MGAT5B: variants seen among roughly 807,000 people sequenced by gnomAD.
MGAT5B encodes the protein N-acetylglucosaminyl-transferase Vb.
A neutral mutation model predicts 95.1 loss-of-function variants in MGAT5B; 54 were observed. That is an observed-to-expected ratio of 0.57 (90% CI 0.46 to 0.71). MGAT5B has a LOEUF of 0.71. Ranked by LOEUF, MGAT5B falls within the 30% of genes least tolerant of loss-of-function variation. The probability of loss-of-function intolerance (pLI) is 0.00; values close to 1 mark genes in which losing one functional copy is unlikely to be tolerated. For synonymous variants in MGAT5B, 464 were observed against 451.0 expected, an observed-to-expected ratio of 1.03 and a Z score of -0.36; for missense variants, 935 against 1,088.6, an observed-to-expected ratio of 0.86 and a Z score of 1.99.
At chr17:76,927,473 C>T (rs1318000931) in intron 10 of MGAT5B, among the ~76,000 whole-genome samples, 1 of 152,192 alleles carries the variant, frequency 6.6e-6, no homozygotes, top group Non-Finnish European at 1.5e-5. Context: ...TTCCTGGGCT[C>T]AAGCGATCCA....
At chr17:76,907,374 G>GT (rs2145198211) in intron 8 of MGAT5B, among the ~76,000 whole-genome samples, 1 of 152,156 alleles carries the variant, frequency 6.6e-6, no homozygotes, top group South Asian at 2.1e-4. Flanking sequence ...AAAGTTTTTT[G>GT]TTTTTTCTTA....
chr17:76,926,748 C>A lies in MGAT5B; in HGVS notation c.1291+18C>A. On this transcript the variant is annotated intron_variant, in intron 10 of 17. Coordinates refer to ENST00000569840, the MANE Select transcript of MGAT5B (RefSeq NM_001199172.2). Reference sequence around the variant, plus strand: ...CATGTTTCGTGAGTGCCCCACAGGGCAGGGGTGGGGTCGGAGGTCCTCCTC... The same window carrying A: ...CATGTTTCGTGAGTGCCCCACAGGGAAGGGGTGGGGTCGGAGGTCCTCCTC... 6.2e-7 allele frequency: 1 copy of A among 1,611,506 alleles called. No homozygotes were observed. The highest frequency in any genetic ancestry group is 8.5e-7 in the Non-Finnish European group (1 of 1,179,192).
At chr17:76,925,777 C>T (rs1462187595) in intron 9 of MGAT5B, among the ~76,000 whole-genome samples, 3 of 152,226 alleles carry the variant, frequency 2.0e-5, no homozygotes, top group African/African-American at 7.2e-5. Flanking sequence ...GCAGACAATT[C>T]TGGGTCACCA....
At chr17:76,881,181 G>A (rs1217348389) in intron 2 of MGAT5B, among the ~76,000 whole-genome samples, 1 of 152,224 alleles carries the variant, frequency 6.6e-6, no homozygotes, top group African/African-American at 2.4e-5. Context: ...ACTGGCACGT[G>A]CAGCGCTAAT....
In MGAT5B at chr17:76,939,838, A is replaced by C. The variant is rs182857389; in HGVS notation, c.1585-564A>C. Among the ~76,000 whole-genome samples the C allele has an allele frequency of 7.6e-5, 9 of 119,150 alleles. No homozygotes were observed. The East Asian group carries it at 1.4e-3, about 19-fold the overall frequency. The allele number at this position is 119,150 out of a possible 152,430, so 78.2% of individuals were successfully genotyped here. On this transcript the variant is annotated intron_variant, in intron 13 of 17. Coordinates refer to ENST00000569840, the MANE Select transcript of MGAT5B (RefSeq NM_001199172.2). The stretch of plus-strand genomic sequence containing the variant: ...GCCTCCTGCTGTATCCATATTGCTG[A>C]AAAGGACATGATTTTGTTTTTTTTT...
chr17:76,879,108 A>G (rs969760147), intron 2 of MGAT5B, among the ~76,000 whole-genome samples: 6 of 152,142 alleles, frequency 3.9e-5, no homozygotes, highest in Admixed American at 1.3e-4. Context: ...TTTTTGGCCC[A>G]TCATCTGTTT....
chr17:76,895,741 C>A (rs1968042799), intron 3 of MGAT5B, among the ~76,000 whole-genome samples: 1 of 152,004 alleles, frequency 6.6e-6, no homozygotes, highest in Admixed American at 6.6e-5. Flanking sequence ...TCTGCAGTGA[C>A]CCTGTTTTCA....
In MGAT5B at chr17:76,925,035, C is replaced by T. The variant is rs746051180; in HGVS notation, c.1095C>T (p.Tyr365=). The change falls in exon 9 of 18, where the codon TAC becomes TAT. Residue 365 remains tyrosine (Y), a synonymous_variant. Transcript: ENST00000569840. ...LTMPLPFDLI[Y]TDYHGLQQMK... ...TGCCCCTGCCCTTCGACCTCATCTA[C>T]ACCGACTACCACGGCCTGCAGCAGA... 6.5e-5 allele frequency: 105 copies of T among 1,611,716 alleles called. 1 individual carries two copies. In the Middle Eastern group the frequency reaches 1.2e-3, roughly 18 times the overall value.
At chr17:76,880,986 G>T (rs111799273) in intron 2 of MGAT5B, among the ~76,000 whole-genome samples, 1 of 152,178 alleles carries the variant, frequency 6.6e-6, no homozygotes, top group Admixed American at 6.5e-5. Flanking sequence ...AGCATCGAAG[G>T]TTCATGTTCC....
intron 4 of MGAT5B, among the ~76,000 whole-genome samples, chr17:76,902,933 T>G (rs1968371522): frequency 6.6e-6 from 1 of 152,116 alleles, no homozygotes; most frequent in Non-Finnish European, 1.5e-5. Context: ...TGAGGCCACC[T>G]GGGGAAGGGT....
intron 8 of MGAT5B, among the ~76,000 whole-genome samples, chr17:76,910,812 G>A (rs1425390339): frequency 6.6e-6 from 1 of 152,216 alleles, no homozygotes; most frequent in Non-Finnish European, 1.5e-5. Flanking sequence ...CCTGGCCCTT[G>A]GTCCCCTGTG....
chr17:76,901,211 C>A (rs1968303977), intron 3 of MGAT5B, among the ~76,000 whole-genome samples: 1 of 152,088 alleles, frequency 6.6e-6, no homozygotes, highest in South Asian at 2.1e-4. Flanking sequence ...GGACAGCTCA[C>A]TAGGCTCAGA....
At position 76,872,955 on chromosome 17, in the gene MGAT5B, G is replaced by A. The variant is rs1227509593; in HGVS notation, c.173G>A (p.Arg58His). The A allele has an allele frequency of 9.3e-6, 15 of 1,613,688 alleles. No homozygotes were observed. The highest frequency in any genetic ancestry group is 1.7e-4 in the Middle Eastern group (1 of 6,056). ...CTGGGGGACTCGCCATTCACCATCC[G>A]CACAGAAGGTACCTTGGTGGGGCAA... is the stretch of plus-strand genomic sequence containing the variant. The part of the protein sequence containing the change: ...RRLGDSPFTI[R>H]TEVMGGPESR... The change falls in exon 2 of 18, where the codon CGC (arginine) becomes CAC (histidine). Residue 58 changes from arginine (R) to histidine (H), a missense_variant. Coordinates refer to ENST00000569840, the MANE Select transcript of MGAT5B (RefSeq NM_001199172.2).
In MGAT5B at chr17:76,938,568, G is replaced by T. The variant is rs79446018; in HGVS notation, c.1584+425G>T. Among the ~76,000 whole-genome samples the T allele has an allele frequency of 0.18, 28,069 of 152,112 alleles. 2,789 individuals are homozygous for T. Among genetic ancestry groups the T allele is most frequent in the East Asian group, 0.4 (2,051 of 5,164 alleles). ...ACTAGTCCTGAGTGACTGCTTCAGGGGTCCCTGAGCTGTACTGCTGGAGCA... is the reference window on the plus strand; with the variant it reads ...ACTAGTCCTGAGTGACTGCTTCAGGTGTCCCTGAGCTGTACTGCTGGAGCA... On this transcript the variant is annotated intron_variant, in intron 13 of 17. Coordinates refer to ENST00000569840, the MANE Select transcript of MGAT5B (RefSeq NM_001199172.2). This position sits in a 1 kb window ranked among gnomAD's most constrained non-coding sequence, Gnocchi z 4.3.
At chr17:76,877,763 C>T (rs1301127925) in intron 2 of MGAT5B, among the ~76,000 whole-genome samples, 1 of 152,110 alleles carries the variant, frequency 6.6e-6, no homozygotes, top group Non-Finnish European at 1.5e-5. Context: ...CCAGGGAGGT[C>T]TCTGCTTTCT....
Position 76,913,923 on chromosome 17 carries a change from C to G in MGAT5B, c.1025+7736C>G, listed in dbSNP as rs189556146. ...TCCAGGAGTTGGAGACCAGCCTGGG[C>G]AAGATAGTGAGACCTGGTCTTTACC... On this transcript the variant is annotated intron_variant, in intron 8 of 17. Transcript: ENST00000569840. 2.4e-3 allele frequency: 956 copies of G among 390,576 alleles called. 10 individuals carry two copies. Among genetic ancestry groups the G allele is most frequent in the South Asian group, 1.0e-2 (536 of 53,766 alleles). The allele number at this position is 390,576 out of a possible 1,614,324, so 24.2% of individuals were successfully genotyped here. A position where few individuals can be genotyped will look rare whatever the true frequency, so the allele number is the denominator to read the frequency against.
intron 15 of MGAT5B, among the ~76,000 whole-genome samples, chr17:76,944,641 G>T (rs1242571016): frequency 1.3e-5 from 2 of 152,150 alleles, no homozygotes; most frequent in African/African-American, 4.8e-5. Flanking sequence ...CCGGGACTTC[G>T]AACTTGCCCC....
rs945915627 is a variant in MGAT5B at position 76,917,565 on chromosome 17, G to A, written c.1026-7401G>A. On this transcript the variant is annotated intron_variant, in intron 8 of 17. Transcript: ENST00000569840. This position sits in a 1 kb window ranked among gnomAD's most constrained non-coding sequence, Gnocchi z 6.1. ...CTGCAAGCCAGACTGCTTTTTCCTCGGCATCTCTAGCGTGGAGCCAGCGGC... is the reference window on the plus strand; with the variant it reads ...CTGCAAGCCAGACTGCTTTTTCCTCAGCATCTCTAGCGTGGAGCCAGCGGC... 6.6e-6 allele frequency among the ~76,000 whole-genome samples: 1 copy of A among 152,052 alleles called. No individual in the cohort carries two copies. Among genetic ancestry groups the A allele is most frequent in the Non-Finnish European group, 1.5e-5 (1 of 68,004 alleles).
rs1247275139 is a variant in MGAT5B at position 76,905,344 on chromosome 17, C to T, written c.855+11C>T. 4 of 1,571,742 alleles carry T rather than the reference C, an allele frequency of 2.5e-6. No homozygotes were observed. The highest frequency in any genetic ancestry group is 2.6e-6 in the Non-Finnish European group (3 of 1,154,218). On this transcript the variant is annotated intron_variant, in intron 7 of 17. Coordinates refer to ENST00000569840, the MANE Select transcript of MGAT5B (RefSeq NM_001199172.2). The surrounding 1 kb of genome is among the most constrained non-coding windows in gnomAD (Gnocchi z 4.2). The stretch of plus-strand genomic sequence containing the variant: ...AGGGACCAGAAGCAGGTGCGTGGCC[C>T]CTGCCCCCTCATGTGCAGGAGCTGA...
Sources: gnomAD v4.1 joint callset for allele counts (sites outside exome capture counted in the v4.1 genomes callset) on GRCh38, gnomAD v4.1.1 for gene constraint, Gnocchi (gnomAD v3.1) non-coding constraint, MANE v1.5 for transcripts, NCBI Gene and HGNC (gene_info 2026-07-23, HGNC 2026-07-21) for gene names.